CNTN5: variants seen among roughly 807,000 people sequenced by gnomAD.
CNTN5 encodes the protein contactin 5.
Under a neutral mutation model 129.1 loss-of-function variants are expected in CNTN5, and 77 were observed. That is an observed-to-expected ratio of 0.60 (90% CI 0.50 to 0.72). The LOEUF (loss-of-function observed/expected upper bound fraction) is 0.72, where lower values mean the gene tolerates loss of function less well. CNTN5 is among the 30% of genes least tolerant of loss of function. The probability of loss-of-function intolerance (pLI) is 0.00; values close to 1 mark genes in which losing one functional copy is unlikely to be tolerated. For missense variants in CNTN5, 1,478 were observed against 1,328.8 expected (o/e 1.11, Z -1.75); for synonymous variants, 509 against 465.6 (o/e 1.09, Z -1.20).
intron 3 of CNTN5, among the ~76,000 whole-genome samples, chr11:99,608,527 G>A (rs1950500182): frequency 6.6e-6 from 1 of 152,054 alleles, no homozygotes; most frequent in Admixed American, 6.6e-5. Context: ...CAGTAAGCCT[G>A]GTTTCCTTAT....
chr11:99,107,493 A>T (rs1272565662), intron 1 of CNTN5, among the ~76,000 whole-genome samples: 1 of 152,168 alleles, frequency 6.6e-6, no homozygotes, highest in Non-Finnish European at 1.5e-5. Context: ...AATTATGCTT[A>T]GTTATTTCTC....
intron 2 of CNTN5, among the ~76,000 whole-genome samples, chr11:99,523,666 G>GAATAGAAT (rs1947367803): frequency 4.5e-5 from 1 of 22,054 alleles, no homozygotes; most frequent in African/African-American, 1.8e-4. Flanking sequence ...GAACAGATCA[G>GAATAGAAT]AACAGAACAG....
intron 13 of CNTN5, among the ~76,000 whole-genome samples, chr11:100,167,062 G>A (rs1264822712): frequency 6.6e-6 from 1 of 151,678 alleles, no homozygotes; most frequent in Non-Finnish European, 1.5e-5. Context: ...AGGAATTCCT[G>A]ATTGTGCTAC....
intron 2 of CNTN5, among the ~76,000 whole-genome samples, chr11:99,474,016 A>T (rs1945276413): frequency 6.6e-6 from 1 of 152,076 alleles, no homozygotes; most frequent in Non-Finnish European, 1.5e-5. Context: ...ACTACTAAGA[A>T]TACTTGTTTA....
intron 3 of CNTN5, among the ~76,000 whole-genome samples, chr11:99,770,187 C>T (rs1012536320): frequency 2.6e-5 from 4 of 151,944 alleles, no homozygotes; most frequent in African/African-American, 9.7e-5. Context: ...GTTTAATTTG[C>T]TTATATTAGC....
At chr11:100,119,487 T>G (rs1416629445) in intron 13 of CNTN5, among the ~76,000 whole-genome samples, 2 of 151,934 alleles carry the variant, frequency 1.3e-5, no homozygotes, top group East Asian at 3.9e-4. Context: ...CAAGATTAAT[T>G]ACTCAAAAAT....
At chr11:100,295,120 G>A (rs1202320417) in intron 18 of CNTN5, among the ~76,000 whole-genome samples, 2 of 151,364 alleles carry the variant, frequency 1.3e-5, no homozygotes, top group Admixed American at 6.6e-5. Context: ...ATTAAAACAC[G>A]GTGAGCCATA....
intron 9 of CNTN5, among the ~76,000 whole-genome samples, chr11:100,044,840 G>A (rs190108964): frequency 4.2e-4 from 64 of 152,080 alleles, no homozygotes; most frequent in African/African-American, 1.5e-3. Flanking sequence ...CAGGTCCAGA[G>A]ACCTGTATTA....
intron 3 of CNTN5, among the ~76,000 whole-genome samples, chr11:99,628,408 G>A (rs1161244396): frequency 6.6e-6 from 1 of 151,976 alleles, no homozygotes; most frequent in Admixed American, 6.6e-5. Flanking sequence ...TTATGCCAGT[G>A]TTAAAGTAAA....
chr11:99,133,355 T>C (rs1309300897), intron 1 of CNTN5, among the ~76,000 whole-genome samples: 7 of 147,632 alleles, frequency 4.7e-5, no homozygotes, highest in Non-Finnish European at 1.0e-4. Flanking sequence ...GCAAAGATTT[T>C]ATGATGAAAT....
intron 3 of CNTN5, among the ~76,000 whole-genome samples, chr11:99,753,999 A>T (rs1254736528): frequency 7.4e-6 from 1 of 134,784 alleles, no homozygotes; most frequent in Non-Finnish European, 1.6e-5. Flanking sequence ...AAAAAAAAAA[A>T]TAAATAACAA....
At chr11:99,900,904 A>G (rs1949339650) in intron 6 of CNTN5, among the ~76,000 whole-genome samples, 1 of 152,022 alleles carries the variant, frequency 6.6e-6, no homozygotes, top group Admixed American at 6.6e-5. Flanking sequence ...ACATGTCTCT[A>G]AAGCTTTATA....
At chr11:99,419,909 A>G (rs1012197864) in intron 2 of CNTN5, among the ~76,000 whole-genome samples, 5 of 152,110 alleles carry the variant, frequency 3.3e-5, no homozygotes, top group African/African-American at 1.2e-4. Context: ...AGCAAACACC[A>G]TGTATCTAGC....
At chr11:99,965,489 C>T (rs1222299743) in intron 8 of CNTN5, among the ~76,000 whole-genome samples, 3 of 152,102 alleles carry the variant, frequency 2.0e-5, no homozygotes, top group Admixed American at 2.0e-4. Flanking sequence ...TTTCTTAATC[C>T]TGAGTTCTAG....
At chr11:99,187,619 A>G (rs1255689040) in intron 1 of CNTN5, among the ~76,000 whole-genome samples, 1 of 151,840 alleles carries the variant, frequency 6.6e-6, no homozygotes, top group African/African-American at 2.4e-5. Context: ...TGTTCTACCA[A>G]AAATGGTTTC....
intron 1 of CNTN5, among the ~76,000 whole-genome samples, chr11:99,166,435 C>T (rs575257150): frequency 6.7e-6 from 1 of 148,656 alleles, no homozygotes; most frequent in East Asian, 2.0e-4. Context: ...TATGTTAAGA[C>T]TCCAAAGGGT....
At chr11:99,491,470 T>C (rs1465774370) in intron 2 of CNTN5, among the ~76,000 whole-genome samples, 1 of 152,158 alleles carries the variant, frequency 6.6e-6, no homozygotes, top group Non-Finnish European at 1.5e-5. Context: ...ACCTCTAGCA[T>C]AGAAGAGCCT....
chr11:99,058,167 C>T (rs1016254219), intron 1 of CNTN5, among the ~76,000 whole-genome samples: 31 of 151,768 alleles, frequency 2.0e-4, no homozygotes, highest in African/African-American at 7.5e-4. Flanking sequence ...GTTGGGAAGC[C>T]CTGAAGAGTT....
In CNTN5 at chr11:99,359,937, A is replaced by G. The variant is rs79654857; in HGVS notation, c.-71+34453A>G. Among the ~76,000 whole-genome samples the G allele has an allele frequency of 2.8e-3, 421 of 152,318 alleles. 13 individuals are homozygous for G. The East Asian group carries it at 0.047, about 17-fold the overall frequency. ...CAACTTGGATTAAAAATCAAAGTAC[A>G]TGAGGGGATGGATTCCTCATTTGCC... On this transcript the variant is annotated intron_variant, in intron 2 of 24. Coordinates refer to ENST00000524871, the MANE Select transcript of CNTN5 (RefSeq NM_014361.4).
Sources: allele counts gnomAD v4.1 joint callset (sites outside exome capture counted in the v4.1 genomes callset), GRCh38; gene constraint gnomAD v4.1.1; transcripts MANE v1.5; gene names NCBI Gene and HGNC (gene_info 2026-07-23, HGNC 2026-07-21).